FAR1: variants seen among roughly 807,000 people sequenced by gnomAD.
FAR1 encodes fatty acyl-CoA reductase 1, also known as male sterility domain-containing protein 2.
FAR1 carries 22 observed loss-of-function variants against 61.1 expected under a neutral mutation model. The observed-to-expected ratio is 0.36, with a 90% CI of 0.26 to 0.51. FAR1 has a LOEUF of 0.51. FAR1 is among the 20% of genes least tolerant of loss of function. The probability of loss-of-function intolerance (pLI) is 0.95; values close to 1 mark genes in which losing one functional copy is unlikely to be tolerated. For missense variants in FAR1, 359 were observed against 626.9 expected (o/e 0.57, Z 4.56); for synonymous variants, 206 against 209.7 (o/e 0.98, Z 0.15).
chr11:13,691,523 T>G (rs903030899), intron 1 of FAR1, among the ~76,000 whole-genome samples: 2 of 152,208 alleles, frequency 1.3e-5, no homozygotes, highest in Non-Finnish European at 2.9e-5. Context: ...TTCTCTATAC[T>G]CAACTATTCC....
At chr11:13,685,290 T>TG (rs1236008345) in intron 1 of FAR1, among the ~76,000 whole-genome samples, 1 of 152,140 alleles carries the variant, frequency 6.6e-6, no homozygotes, top group African/African-American at 2.4e-5. Context: ...CTGATTTTTT[T>TG]TTTTTTGTTT....
chr11:13,711,110 T>G, intron 5 of FAR1: 1 of 464,496 alleles, frequency 2.2e-6, no homozygotes, highest in Non-Finnish European at 3.8e-6. Flanking sequence ...AATTAAAAGC[T>G]GTGACATTTT....
intron 1 of FAR1, among the ~76,000 whole-genome samples, 156 bp from the exon 2 acceptor site, chr11:13,694,603 C>G (rs530965660): frequency 4.9e-4 from 75 of 152,298 alleles, no homozygotes; most frequent in African/African-American, 1.2e-3. Flanking sequence ...TTCCACTTTA[C>G]TATAATGAAC....
At chr11:13,707,879 T>C (rs1848451022) in intron 3 of FAR1, 21 bp from the exon 4 acceptor site, 2 of 1,463,496 alleles carry the variant, frequency 1.4e-6, no homozygotes, top group African/African-American at 2.9e-5. Context: ...TTTTCTATTG[T>C]CACTTTTTCT....
chr11:13,723,684 A>G (rs1003553202), intron 10 of FAR1, among the ~76,000 whole-genome samples: 8 of 152,210 alleles, frequency 5.3e-5, no homozygotes, highest in African/African-American at 1.7e-4. Flanking sequence ...CAAAATTCCT[A>G]GTGTATGTTA....
Position 13,692,691 on chromosome 11 carries a change from G to A in FAR1, c.-7-2068G>A, listed in dbSNP as rs148844956. 1.1e-4 allele frequency among the ~76,000 whole-genome samples: 17 copies of A among 151,940 alleles called. 1 individual carries two copies. The Middle Eastern group carries it at 0.01, about 91-fold the overall frequency. On this transcript the variant is annotated intron_variant, in intron 1 of 11. Coordinates refer to ENST00000354817, the MANE Select transcript of FAR1 (RefSeq NM_032228.6). ...TCAGGTGACATTAAATTCGCTTGGGGGCTATTAATTTTAATAGTCTATTTA... is the reference window on the plus strand; with the variant it reads ...TCAGGTGACATTAAATTCGCTTGGGAGCTATTAATTTTAATAGTCTATTTA...
intron 4 of FAR1, among the ~76,000 whole-genome samples, chr11:13,708,447 GCACA>G (rs61253307): frequency 0.088 from 12,083 of 136,642 alleles, 694 homozygotes; most frequent in East Asian, 0.18. Flanking sequence ...GCGCGCGCGC[GCACA>G]CACACACACA....
At chr11:13,672,755 G>C (rs1425327428) in intron 1 of FAR1, among the ~76,000 whole-genome samples, 2 of 152,162 alleles carry the variant, frequency 1.3e-5, no homozygotes, top group Admixed American at 1.3e-4. Flanking sequence ...GATGGAAACT[G>C]AAACTGTATG....
intron 1 of FAR1, among the ~76,000 whole-genome samples, chr11:13,693,684 C>T (rs1468469646): frequency 6.6e-6 from 1 of 152,178 alleles, no homozygotes; most frequent in Non-Finnish European, 1.5e-5. Context: ...GCTCTTGCCT[C>T]ATTATAGTCC....
chr11:13,694,142 G>T (rs2134179507), intron 1 of FAR1, among the ~76,000 whole-genome samples: 1 of 152,172 alleles, frequency 6.6e-6, no homozygotes, highest in East Asian at 1.9e-4. Flanking sequence ...CTTTTCTGCT[G>T]TTTTAGAGGA....
At chr11:13,715,113 G>A (rs912468921) in intron 9 of FAR1, among the ~76,000 whole-genome samples, 2 of 152,058 alleles carry the variant, frequency 1.3e-5, no homozygotes, top group East Asian at 1.9e-4. Context: ...ATTATTGCTC[G>A]ATTGCACTCA....
intron 2 of FAR1, among the ~76,000 whole-genome samples, chr11:13,695,418 C>A (rs1361585646): frequency 1.3e-5 from 2 of 151,368 alleles, no homozygotes; most frequent in African/African-American, 4.9e-5. Context: ...ACAGAGGGGC[C>A]GTATAGAATA....
At chr11:13,675,623 C>T (rs1848059694) in intron 1 of FAR1, among the ~76,000 whole-genome samples, 1 of 152,136 alleles carries the variant, frequency 6.6e-6, no homozygotes, top group Non-Finnish European at 1.5e-5. Context: ...TTGGCACGTT[C>T]TGTTAAAAAG....
chr11:13,706,647 T>C (rs752661169), intron 3 of FAR1, among the ~76,000 whole-genome samples: 4 of 152,160 alleles, frequency 2.6e-5, no homozygotes, highest in African/African-American at 4.8e-5. Context: ...CCACTCTTTT[T>C]GTAATTTTTA....
chr11:13,716,343 A>C (rs1394037321), intron 9 of FAR1, among the ~76,000 whole-genome samples: 2 of 152,258 alleles, frequency 1.3e-5, no homozygotes, highest in East Asian at 3.8e-4. Flanking sequence ...AATCATCTCA[A>C]ACTTAGAAGC....
intron 1 of FAR1, among the ~76,000 whole-genome samples, chr11:13,689,873 C>CT (rs71041539): frequency 0.22 from 26,352 of 118,536 alleles, 3,279 homozygotes; most frequent in Non-Finnish European, 0.25. Flanking sequence ...TCATTTCGAT[C>CT]TTTTTTTTTT....
chr11:13,728,771 C>G lies in FAR1; in HGVS notation c.1545C>G (p.Tyr515Ter). Residue 515 changes from tyrosine to a stop codon, truncating the protein, a stop_gained, in exon 12 of 12, where the codon TAC becomes TAG. Transcript: ENST00000354817. LOFTEE classifies it high-confidence loss of function. ...TCCGAGCATCCAGCACTATGAGATA[C>G]TGAAGACCAAGGATTCAGCATTAGA... ...SYFRASSTMR[Y>*] is the part of the protein sequence containing the mutation. 3 of 1,610,352 alleles carry G rather than the reference C, an allele frequency of 1.9e-6. No homozygotes were observed. Among genetic ancestry groups the G allele is most frequent in the Non-Finnish European group, 2.5e-6 (3 of 1,177,474 alleles).
chr11:13,678,359 G>A (rs1448508639), intron 1 of FAR1, among the ~76,000 whole-genome samples: 2 of 152,200 alleles, frequency 1.3e-5, no homozygotes, highest in East Asian at 3.9e-4. Context: ...CCGCCTCCTG[G>A]GTTCATGCCA....
At chr11:13,671,777 G>A (rs973745376) in intron 1 of FAR1, among the ~76,000 whole-genome samples, 1 of 152,182 alleles carries the variant, frequency 6.6e-6, no homozygotes, top group African/African-American at 2.4e-5. Flanking sequence ...AGGATTGGCA[G>A]AATCAGTCAG....
Sources: allele counts gnomAD v4.1 joint callset (sites outside exome capture counted in the v4.1 genomes callset), GRCh38; gene constraint gnomAD v4.1.1; transcripts MANE v1.5; gene names NCBI Gene and HGNC (gene_info 2026-07-23, HGNC 2026-07-21).